The following PCDH15 variants were observed in gnomAD, a reference collection of about 807,000 sequenced individuals.
The protein encoded by PCDH15 is protocadherin-15.
A neutral mutation model predicts 178.5 loss-of-function variants in PCDH15; 129 were observed. That is an observed-to-expected ratio of 0.72 (90% CI 0.63 to 0.84). PCDH15 has a LOEUF of 0.84. Among genes scored for constraint, PCDH15 ranks in the 40% least tolerant of loss-of-function variants. The probability of loss-of-function intolerance (pLI) is 0.00; values close to 1 mark genes in which losing one functional copy is unlikely to be tolerated. For missense variants in PCDH15, 2,230 were observed against 2,099.9 expected (o/e 1.06, Z -1.21); for synonymous variants, 800 against 732.0 (o/e 1.09, Z -1.50).
intron 1 of PCDH15, among the ~76,000 whole-genome samples, chr10:55,260,366 A>G (rs1393564735): frequency 6.6e-6 from 1 of 152,190 alleles, no homozygotes; most frequent in Non-Finnish European, 1.5e-5. Context: ...TAATCTCAGA[A>G]AAGGAAGATA....
intron 2 of PCDH15, among the ~76,000 whole-genome samples, chr10:54,657,411 T>C (rs2094426054): frequency 6.6e-6 from 1 of 152,184 alleles, no homozygotes; most frequent in South Asian, 2.1e-4. Flanking sequence ...AGCAGGCTCT[T>C]ATGCTTAAGT....
At chr10:53,817,577 A>C (rs1387040591) in intron 34 of PCDH15, among the ~76,000 whole-genome samples, 1 of 133,950 alleles carries the variant, frequency 7.5e-6, no homozygotes, top group East Asian at 2.2e-4. Context: ...GCTGGAGTGC[A>C]GTGGCCTGAT....
At chr10:54,768,907 A>G (rs1340022890) in intron 1 of PCDH15, among the ~76,000 whole-genome samples, 2 of 152,124 alleles carry the variant, frequency 1.3e-5, no homozygotes, top group Non-Finnish European at 2.9e-5. Context: ...AAACCTAAAT[A>G]GTGTTCTGTG....
At chr10:53,912,730 A>T (rs2083202449) in intron 25 of PCDH15, among the ~76,000 whole-genome samples, 1 of 152,214 alleles carries the variant, frequency 6.6e-6, no homozygotes, top group Non-Finnish European at 1.5e-5. Flanking sequence ...AATCCAACTT[A>T]CAAGGGATGC....
At chr10:55,150,781 GT>G (rs1189665042) in intron 2 of PCDH15, among the ~76,000 whole-genome samples, 6 of 152,080 alleles carry the variant, frequency 3.9e-5, no homozygotes, top group Non-Finnish European at 7.4e-5. Context: ...TTTACTAGTA[GT>G]TGCTCAGAAA....
At chr10:55,353,947 T>G (rs984646152) in intron 2 of PCDH15, among the ~76,000 whole-genome samples, 2 of 152,124 alleles carry the variant, frequency 1.3e-5, no homozygotes, top group Non-Finnish European at 2.9e-5. Flanking sequence ...CTGCTTGTAT[T>G]CAGCAGTTGA....
At chr10:55,482,189 T>G (rs1258694177) in intron 2 of PCDH15, among the ~76,000 whole-genome samples, 1 of 151,890 alleles carries the variant, frequency 6.6e-6, no homozygotes, top group African/African-American at 2.4e-5. Flanking sequence ...TAGATTTTCC[T>G]CCATCTCTTT....
intron 3 of PCDH15, among the ~76,000 whole-genome samples, chr10:54,518,032 T>A (rs1489837263): frequency 6.6e-6 from 1 of 152,136 alleles, no homozygotes; most frequent in South Asian, 2.1e-4. Context: ...AGACGCAATA[T>A]ACCAGAATCT....
chr10:54,197,138 A>G (rs1303651601), intron 10 of PCDH15, among the ~76,000 whole-genome samples: 3 of 152,266 alleles, frequency 2.0e-5, no homozygotes, highest in East Asian at 3.9e-4. Context: ...GAATTGCAAT[A>G]TTATTTAACT....
chr10:55,014,006 ATAT>A (rs1840109811), intron 2 of PCDH15, among the ~76,000 whole-genome samples: 1 of 152,092 alleles, frequency 6.6e-6, no homozygotes, highest in South Asian at 2.1e-4. Context: ...ATTCATTTAG[ATAT>A]TATGATATAA....
chr10:55,248,754 G>T (rs1841750049), intron 1 of PCDH15, among the ~76,000 whole-genome samples: 1 of 151,904 alleles, frequency 6.6e-6, no homozygotes, highest in Non-Finnish European at 1.5e-5. Context: ...ACAGGGTTTT[G>T]CCATGTTGCC....
intron 2 of PCDH15, among the ~76,000 whole-genome samples, chr10:54,915,437 T>C (rs185694683): frequency 1.1e-4 from 16 of 152,324 alleles, no homozygotes; most frequent in Admixed American, 3.9e-4. Context: ...GCTATGAATG[T>C]TACATGAAAC....
chr10:54,162,107 AT>A, intron 13 of PCDH15, among the ~76,000 whole-genome samples: 1 of 152,102 alleles, frequency 6.6e-6, no homozygotes, highest in East Asian at 1.9e-4. Flanking sequence ...ATATTTATCC[AT>A]TTTTTTCTGC....
chr10:54,736,898 G>A (rs1283072059), intron 1 of PCDH15, among the ~76,000 whole-genome samples: 5 of 152,010 alleles, frequency 3.3e-5, no homozygotes, highest in African/African-American at 7.2e-5. Context: ...CAGGTATAAC[G>A]AATCACTTGA....
Position 55,519,689 on chromosome 10 carries a change from T to C in PCDH15, c.-156+107936A>G, listed in dbSNP as rs1472080502. 2.6e-5 allele frequency among the ~76,000 whole-genome samples: 4 copies of C among 151,990 alleles called. No homozygotes were observed. The East Asian group carries it at 7.7e-4, about 29-fold the overall frequency. ...TAGAAAATTTATAGAGCTATATATT[T>C]AAAATGTATGATAGATTTTCTCCAA... On this transcript the variant is annotated intron_variant, in intron 2 of 5. Transcript: ENST00000613346.
intron 8 of PCDH15, among the ~76,000 whole-genome samples, chr10:54,283,900 A>G (rs10825296): frequency 0.52 from 78,431 of 151,980 alleles, 21,050 homozygotes; most frequent in Middle Eastern, 0.62. Context: ...CTGGGCTGGG[A>G]TGCATTGGCA....
At chr10:54,884,480 G>GGGGTGTGTGTGTGT (rs1554810445) in intron 3 of PCDH15, among the ~76,000 whole-genome samples, 1 of 148,622 alleles carries the variant, frequency 6.7e-6, no homozygotes, top group African/African-American at 2.5e-5. Flanking sequence ...TACTAAGATA[G>GGGGTGTGTGTGTGT]GTGTGTGTGT....
intron 2 of PCDH15, among the ~76,000 whole-genome samples, chr10:55,020,068 C>T (rs942010900): frequency 3.3e-5 from 5 of 149,722 alleles, no homozygotes; most frequent in East Asian, 3.9e-4. Context: ...CAAAGAAAAT[C>T]GTAGTGGATT....
chr10:54,324,471 A>C (rs1237022092), intron 7 of PCDH15, among the ~76,000 whole-genome samples: 2 of 152,146 alleles, frequency 1.3e-5, no homozygotes, highest in African/African-American at 4.8e-5. Context: ...ATGATTCTAA[A>C]TTAAATTTAG....
Sources: gnomAD v4.1 joint callset for allele counts (sites outside exome capture counted in the v4.1 genomes callset) on GRCh38, gnomAD v4.1.1 for gene constraint, MANE v1.5 for transcripts, NCBI Gene and HGNC (gene_info 2026-07-23, HGNC 2026-07-21) for gene names.